SLCO1B3: variants seen among roughly 807,000 people sequenced by gnomAD.
SLCO1B3 encodes solute carrier organic anion transporter family member 1B3.
SLCO1B3 carries 72 observed loss-of-function variants against 71.8 expected under a neutral mutation model. That is an observed-to-expected ratio of 1.00 (90% CI 0.83 to 1.22). SLCO1B3 has a LOEUF of 1.22. Among genes scored for constraint, SLCO1B3 ranks in the 50% most tolerant of loss-of-function variants. The pLI is 0.00. For missense variants in SLCO1B3, 911 were observed against 819.7 expected (o/e 1.11, Z -1.36); for synonymous variants, 298 against 278.4 (o/e 1.07, Z -0.70).
chr12:20,879,420 CTTCTT>C lies in SLCO1B3; in HGVS notation c.1136-13_1136-9del, dbSNP rs540257782. 3.1e-4 allele frequency: 471 copies of C among 1,536,384 alleles called. 3 individuals are homozygous for C. Among genetic ancestry groups the C allele is most frequent in the South Asian group, 2.1e-3 (182 of 84,912 alleles). ...ATTTGTATAATTATAGCTTTTTTCT[CTTCTT>C]TTATTTCTAGGAATCATAACCATTC... is the stretch of plus-strand genomic sequence containing the variant. On this transcript the variant is annotated splice_polypyrimidine_tract_variant and intron_variant, in intron 10 of 15. Coordinates refer to ENST00000381545, the MANE Select transcript of SLCO1B3 (RefSeq NM_019844.4).
intron 3 of SLCO1B3, among the ~76,000 whole-genome samples, chr12:20,824,229 CA>C (rs1359433584): frequency 2.0e-5 from 3 of 152,098 alleles, no homozygotes; most frequent in Non-Finnish European, 2.9e-5. Flanking sequence ...TAAAACCAAT[CA>C]GCAAATGTTT....
At chr12:20,845,303 GA>G in intron 3 of SLCO1B3, 1 of 224,678 alleles carries the variant, frequency 4.5e-6, no homozygotes, top group South Asian at 3.3e-5. Context: ...GTTTGACCCT[GA>G]TCAACAATGA....
intron 8 of SLCO1B3, among the ~76,000 whole-genome samples, chr12:20,868,345 C>A (rs1043923102): frequency 2.6e-5 from 4 of 152,144 alleles, no homozygotes; most frequent in African/African-American, 9.7e-5. Flanking sequence ...GTCAGCCACC[C>A]TAAATCCCAT....
At chr12:20,854,278 A>G (rs1010755213) in intron 3 of SLCO1B3, among the ~76,000 whole-genome samples, 2 of 150,188 alleles carry the variant, frequency 1.3e-5, no homozygotes, top group South Asian at 4.3e-4. Context: ...TGTTCTGTAT[A>G]TGAATGAATG....
At chr12:20,837,100 G>GT (rs1864699830) in intron 3 of SLCO1B3, among the ~76,000 whole-genome samples, 1 of 152,118 alleles carries the variant, frequency 6.6e-6, no homozygotes, top group Non-Finnish European at 1.5e-5. Flanking sequence ...TGCAGGTATA[G>GT]TTTTTTCATA....
chr12:20,894,148 CTTAAA>C (rs1350671701), intron 13 of SLCO1B3, among the ~76,000 whole-genome samples: 16 of 152,234 alleles, frequency 1.1e-4, no homozygotes, highest in East Asian at 1.9e-4. Context: ...AATGAAATCT[CTTAAA>C]TTAAACAATT....
chr12:20,834,369 C>CTATA (rs35103050), intron 3 of SLCO1B3, among the ~76,000 whole-genome samples: 2,616 of 140,104 alleles, frequency 0.019, 43 homozygotes, highest in Non-Finnish European at 0.025. Context: ...TACGTGGAGA[C>CTATA]TATATATATA....
At chr12:20,850,378 C>T (rs1865001528) in intron 3 of SLCO1B3, among the ~76,000 whole-genome samples, 1 of 151,754 alleles carries the variant, frequency 6.6e-6, no homozygotes, top group Admixed American at 6.6e-5. Flanking sequence ...CTCCCGGGAT[C>T]ACGCCATTCT....
intron 3 of SLCO1B3, among the ~76,000 whole-genome samples, chr12:20,836,672 C>T (rs1233184084): frequency 1.3e-5 from 2 of 151,996 alleles, no homozygotes; most frequent in Non-Finnish European, 2.9e-5. Context: ...GATGGAGTCT[C>T]GCTCTGTTAT....
chr12:20,907,935 G>A (rs1866287560), intron 15 of SLCO1B3, among the ~76,000 whole-genome samples: 1 of 152,260 alleles, frequency 6.6e-6, no homozygotes, highest in East Asian at 1.9e-4. Context: ...CTGGCAAGAT[G>A]CTCCCCAGAA....
At chr12:20,829,611 G>A (rs1489806656) in intron 3 of SLCO1B3, among the ~76,000 whole-genome samples, 2 of 152,206 alleles carry the variant, frequency 1.3e-5, no homozygotes, top group African/African-American at 4.8e-5. Context: ...TCCCAATCCA[G>A]ACCACAAGAG....
intron 3 of SLCO1B3, among the ~76,000 whole-genome samples, chr12:20,841,599 G>T (rs554592772): frequency 6.6e-6 from 1 of 152,156 alleles, no homozygotes; most frequent in South Asian, 2.1e-4. Context: ...TTAGGTTCAG[G>T]GGGTACATAT....
chr12:20,815,745 C>G lies in SLCO1B3; in HGVS notation c.7C>G (p.Gln3Glu), dbSNP rs768665889. 3.2e-6 allele frequency: 5 copies of G among 1,579,468 alleles called. No homozygotes were observed. The highest frequency in any genetic ancestry group is 3.5e-6 in the Non-Finnish European group (4 of 1,156,448). Reference sequence around the variant, plus strand: ...TGGTATCTGTAGTTTAATAATGGACCAACATCAACATTTGAATAAAACAGC... The same window carrying G: ...TGGTATCTGTAGTTTAATAATGGACGAACATCAACATTTGAATAAAACAGC... MD[Q>E]HQHLNKTAES... Residue 3 changes from glutamine (Q) to glutamate (E), a missense_variant, in exon 3 of 16, where the codon CAA (glutamine) becomes GAA (glutamate). Physicochemically the swap from Gln to Glu is conservative, Grantham distance 29. Coordinates refer to ENST00000381545, the MANE Select transcript of SLCO1B3 (RefSeq NM_019844.4).
intron 5 of SLCO1B3, among the ~76,000 whole-genome samples, chr12:20,859,512 A>G (rs1366564665): frequency 1.4e-5 from 2 of 138,092 alleles, no homozygotes; most frequent in African/African-American, 5.1e-5. Context: ...TTTGGCCCTT[A>G]TAAGAACTTT....
chr12:20,914,525 A>G (rs984136591), intron 15 of SLCO1B3, among the ~76,000 whole-genome samples: 1 of 152,062 alleles, frequency 6.6e-6, no homozygotes, highest in Non-Finnish European at 1.5e-5. Context: ...CATTGTTTCT[A>G]TTATTATTTT....
intron 10 of SLCO1B3, among the ~76,000 whole-genome samples, chr12:20,878,822 G>A (rs941075559): frequency 6.6e-5 from 10 of 152,020 alleles, no homozygotes; most frequent in African/African-American, 2.2e-4. Flanking sequence ...TTTTAATCCT[G>A]TATGTAGACA....
intron 4 of SLCO1B3, among the ~76,000 whole-genome samples, chr12:20,856,026 T>A (rs1467914306): frequency 1.3e-5 from 2 of 152,156 alleles, no homozygotes; most frequent in Non-Finnish European, 2.9e-5. Context: ...TATCTCTTTA[T>A]ATAAATTCAG....
chr12:20,849,301 GA>G (rs1383178638), intron 3 of SLCO1B3, among the ~76,000 whole-genome samples: 1 of 151,718 alleles, frequency 6.6e-6, no homozygotes, highest in African/African-American at 2.4e-5. Flanking sequence ...ATTAAGCAAA[GA>G]AAAAAGCCAC....
chr12:20,905,481 C>G (rs112205444), intron 15 of SLCO1B3, among the ~76,000 whole-genome samples: 47 of 152,272 alleles, frequency 3.1e-4, no homozygotes, highest in African/African-American at 1.1e-3. Flanking sequence ...TCTCTTTGTT[C>G]ACACATATGA....
Sources: gnomAD v4.1 joint callset for allele counts (sites outside exome capture counted in the v4.1 genomes callset) on GRCh38, gnomAD v4.1.1 for gene constraint, MANE v1.5 for transcripts, NCBI Gene and HGNC (gene_info 2026-07-23, HGNC 2026-07-21) for gene names.